The following TPRG1 variants were observed in gnomAD, a reference collection of about 807,000 sequenced individuals.
TPRG1 encodes tumor protein p63 regulated 1.
In TPRG1, 29 loss-of-function variants were observed where a neutral mutation model predicts 29.3. The ratio of observed to expected loss-of-function variants is 0.99; its 90% CI spans 0.74 to 1.35. The LOEUF (loss-of-function observed/expected upper bound fraction) is 1.35, where lower values mean the gene tolerates loss of function less well. TPRG1 is among the 40% of genes most tolerant of loss of function. The probability of loss-of-function intolerance (pLI) is 0.00; values close to 1 mark genes in which losing one functional copy is unlikely to be tolerated. For missense variants in TPRG1, 327 were observed against 335.0 expected (o/e 0.98, Z 0.19); for synonymous variants, 130 against 116.8 (o/e 1.11, Z -0.73).
At chr3:189,255,484 C>T (rs998634931) in intron 4 of TPRG1, among the ~76,000 whole-genome samples, 1 of 152,050 alleles carries the variant, frequency 6.6e-6, no homozygotes, top group African/African-American at 2.4e-5. Flanking sequence ...CTGAAATTTT[C>T]TTTTTTTCTT....
intron 4 of TPRG1, among the ~76,000 whole-genome samples, chr3:189,262,695 A>G (rs1319429941): frequency 1.3e-5 from 2 of 152,244 alleles, no homozygotes; most frequent in Non-Finnish European, 2.9e-5. Flanking sequence ...GTAGTGTAAA[A>G]TAAACATTTA....
chr3:189,100,518 A>T (rs1719065762), intron 1 of TPRG1, among the ~76,000 whole-genome samples: 1 of 152,142 alleles, frequency 6.6e-6, no homozygotes, highest in African/African-American at 2.4e-5. Context: ...TCACATAATG[A>T]ATTATTTGGT....
chr3:189,022,599 C>G (rs1330318825), intron 3 of TPRG1, among the ~76,000 whole-genome samples: 4 of 152,014 alleles, frequency 2.6e-5, no homozygotes, highest in Admixed American at 6.6e-5. Flanking sequence ...TCTCAGATCT[C>G]CAGCTGCGTG....
At chr3:189,144,588 T>C (rs946272217) in intron 3 of TPRG1, among the ~76,000 whole-genome samples, 2 of 152,184 alleles carry the variant, frequency 1.3e-5, no homozygotes, top group Non-Finnish European at 2.9e-5. Context: ...ATAAAGGGGA[T>C]TACTTGCATC....
At chr3:189,264,554 C>T (rs1048296528) in intron 4 of TPRG1, among the ~76,000 whole-genome samples, 3 of 152,032 alleles carry the variant, frequency 2.0e-5, no homozygotes, top group African/African-American at 4.8e-5. Context: ...ATCATTCCTC[C>T]TTTCACACTT....
chr3:189,074,467 G>C (rs146530181), intron 4 of TPRG1, among the ~76,000 whole-genome samples: 1,803 of 152,050 alleles, frequency 0.012, 36 homozygotes, highest in African/African-American at 0.04. Context: ...GGCCTCCCAA[G>C]TGCTGGGATT....
intron 4 of TPRG1, among the ~76,000 whole-genome samples, chr3:189,281,532 G>A (rs1275507415): frequency 6.6e-6 from 1 of 152,120 alleles, no homozygotes. Context: ...CTATGTTATC[G>A]TGGATGCATA....
rs183085688 is a variant in TPRG1, at chr3:189,234,403, C to T, written c.303-4330C>T. On this transcript the variant is annotated intron_variant, in intron 3 of 5. Transcript: ENST00000345063. ...ATAAAAGTCACCTGAAATTCCACCA[C>T]TTACAAATAATCACTGTTAACATTT... Among the ~76,000 whole-genome samples, 156 of 152,314 alleles carry T rather than the reference C, an allele frequency of 1.0e-3. 1 individual carries two copies. Among genetic ancestry groups the T allele is most frequent in the Admixed American group, 4.3e-3 (66 of 15,302 alleles).
chr3:189,051,629 A>G (rs746473295), intron 4 of TPRG1, among the ~76,000 whole-genome samples: 1 of 152,204 alleles, frequency 6.6e-6, no homozygotes, highest in Admixed American at 6.5e-5. Context: ...AAGAGCTCAC[A>G]TAGCCAAAGC....
chr3:189,157,545 A>C (rs1263724689), intron 5 of TPRG1, among the ~76,000 whole-genome samples: 1 of 152,162 alleles, frequency 6.6e-6, no homozygotes, highest in Non-Finnish European at 1.5e-5. Flanking sequence ...CACACAGGCC[A>C]GGTTCCGGCC....
chr3:189,108,249 G>C (rs1720057225), intron 1 of TPRG1, among the ~76,000 whole-genome samples: 1 of 152,150 alleles, frequency 6.6e-6, no homozygotes, highest in Non-Finnish European at 1.5e-5. Context: ...CGATTGTTTA[G>C]ACTGTCTGGA....
chr3:189,272,798 G>C (rs115639247), intron 4 of TPRG1, among the ~76,000 whole-genome samples: 1,577 of 144,532 alleles, frequency 0.011, 30 homozygotes, highest in African/African-American at 0.037. Context: ...TTCTACAAAG[G>C]CTCAATACTA....
At chr3:189,200,562 G>A (rs1259629326) in intron 1 of TPRG1, among the ~76,000 whole-genome samples, 1 of 152,100 alleles carries the variant, frequency 6.6e-6, no homozygotes, top group African/African-American at 2.4e-5. Flanking sequence ...CAGGCCACAG[G>A]GACTAACTCC....
chr3:189,271,125 A>C (rs962809365), intron 4 of TPRG1, among the ~76,000 whole-genome samples: 4 of 152,230 alleles, frequency 2.6e-5, no homozygotes, highest in East Asian at 1.9e-4. Context: ...ACTTTACTAA[A>C]GTCCTTGGGA....
chr3:189,141,142 C>A (rs1220567588), intron 3 of TPRG1, among the ~76,000 whole-genome samples: 1 of 152,176 alleles, frequency 6.6e-6, no homozygotes, highest in Non-Finnish European at 1.5e-5. Context: ...GTCTCTGTAT[C>A]ATGTTGCAGA....
At chr3:189,287,340 A>G (rs796614771) in intron 4 of TPRG1, among the ~76,000 whole-genome samples, 7 of 151,878 alleles carry the variant, frequency 4.6e-5, no homozygotes, top group African/African-American at 1.4e-4. Flanking sequence ...ATAGATTTCT[A>G]TATGTGGATG....
At chr3:189,123,366 A>G (rs1722057726) in intron 1 of TPRG1, among the ~76,000 whole-genome samples, 1 of 152,180 alleles carries the variant, frequency 6.6e-6, no homozygotes, top group South Asian at 2.1e-4. Flanking sequence ...AATATATTTG[A>G]TTCAGTGGGT....
intron 4 of TPRG1, among the ~76,000 whole-genome samples, chr3:189,073,091 G>A (rs1716906109): frequency 6.6e-6 from 1 of 152,164 alleles, no homozygotes; most frequent in Non-Finnish European, 1.5e-5. Context: ...AGTGGGAATA[G>A]CATTTAGAAA....
At chr3:189,202,509 G>GT (rs1733665379) in intron 1 of TPRG1, among the ~76,000 whole-genome samples, 1 of 152,082 alleles carries the variant, frequency 6.6e-6, no homozygotes, top group African/African-American at 2.4e-5. Context: ...AATATTATGT[G>GT]TTTTTTCCCT....
Sources: allele counts gnomAD v4.1 joint callset (sites outside exome capture counted in the v4.1 genomes callset), GRCh38; gene constraint gnomAD v4.1.1; transcripts MANE v1.5; gene names NCBI Gene and HGNC (gene_info 2026-07-23, HGNC 2026-07-21).